DDX6: variants seen among roughly 807,000 people sequenced by gnomAD.
The protein encoded by DDX6 is DEAD-box helicase 6, also known as probable ATP-dependent RNA helicase DDX6.
In DDX6, 7 loss-of-function variants were observed where a neutral mutation model predicts 60.6. The ratio of observed to expected loss-of-function variants is 0.12; its 90% CI spans 0.07 to 0.22. DDX6 has a LOEUF of 0.22. Among genes scored for constraint, DDX6 ranks in the 10% least tolerant of loss-of-function variants. The pLI, the probability that DDX6 is intolerant of heterozygous loss-of-function variation, is 1.00. For missense variants in DDX6, 270 were observed against 589.9 expected (o/e 0.46, Z 5.62); for synonymous variants, 207 against 201.0 (o/e 1.03, Z -0.25).
chr11:118,786,185 C>A lies in DDX6; in HGVS notation c.67G>T (p.Gly23Cys), dbSNP rs1049997780. 7.4e-6 allele frequency: 12 copies of A among 1,613,842 alleles called. No homozygotes were observed. Among genetic ancestry groups the A allele is most frequent in the Non-Finnish European group, 1.0e-5 (12 of 1,179,900 alleles). Reference sequence around the variant, plus strand: ...GGGCCACCAGTGGGTTTCACAGGGCCTCTCAGCTGACCATTTTGACTGGAC... The same window carrying A: ...GGGCCACCAGTGGGTTTCACAGGGCATCTCAGCTGACCATTTTGACTGGAC... ...GLSSQNGQLR[G>C]PVKPTGGPGG... is the part of the protein sequence containing the mutation. Residue 23 changes from glycine (G) to cysteine (C), a missense_variant, in exon 2 of 14, where the codon GGC (glycine) becomes TGC (cysteine). Gly to Cys is a radical substitution (Grantham distance 159, BLOSUM62 -3). This residue lies in a region of DDX6 where 102 missense variants were observed against 110.5 expected (regional missense o/e 0.92). Transcript: ENST00000534980.
intron 4 of DDX6, among the ~76,000 whole-genome samples, chr11:118,776,546 C>T (rs1861704892): frequency 6.6e-6 from 1 of 152,048 alleles, no homozygotes; most frequent in South Asian, 2.1e-4. Context: ...CTCATAAGAC[C>T]TCAGTGGGCC....
chr11:118,757,380 A>G, intron 9 of DDX6, 93 bp from the exon 10 acceptor site: 1 of 596,286 alleles, frequency 1.7e-6, no homozygotes, highest in Non-Finnish European at 2.9e-6. Context: ...AAAAAGAAAC[A>G]TTAACATGGT....
chr11:118,783,636 T>C (rs1861975794), intron 2 of DDX6, among the ~76,000 whole-genome samples: 2 of 151,268 alleles, frequency 1.3e-5, no homozygotes, highest in African/African-American at 2.4e-5. Context: ...ATCTCATCTC[T>C]ACTAAAAATA....
chr11:118,786,327 T>C lies in DDX6; in HGVS notation c.-76A>G. 1 of 1,266,156 alleles carries C rather than the reference T, an allele frequency of 7.9e-7. No homozygotes were observed. Among genetic ancestry groups the C allele is most frequent in the South Asian group, 1.5e-5 (1 of 68,944 alleles). The allele number at this position is 1,266,156 out of a possible 1,614,324, so 78.4% of individuals were successfully genotyped here. A position where few individuals can be genotyped will look rare whatever the true frequency, so the allele number is the denominator to read the frequency against. ...TAGAGAAACTGTAATAACAGTTTAT[T>C]AGGCTCTCCAAAATGAAGAGATAAA... On this transcript the variant is annotated 5_prime_UTR_variant, in exon 2 of 14. Coordinates refer to ENST00000534980, the MANE Select transcript of DDX6 (RefSeq NM_004397.6).
At position 118,749,050 on chromosome 11, in the gene DDX6, T is replaced by C. The variant is rs995325793; in HGVS notation, c.*3055A>G. On this transcript the variant is annotated 3_prime_UTR_variant, in exon 14 of 14. Transcript: ENST00000534980. ...CTGTGAAAGATCATTTTAGAATAAATGTATTCCATTCCTATGGGAGAGGCA... is the reference window on the plus strand; with the variant it reads ...CTGTGAAAGATCATTTTAGAATAAACGTATTCCATTCCTATGGGAGAGGCA... 2 of 152,278 alleles carry C rather than the reference T, an allele frequency of 1.3e-5. No homozygotes were observed. Among genetic ancestry groups the C allele is most frequent in the East Asian group, 1.9e-4 (1 of 5,182 alleles). The allele number at this position is 152,278 out of a possible 1,614,324, so 9.4% of individuals were successfully genotyped here. A position where few individuals can be genotyped will look rare whatever the true frequency, so the allele number is the denominator to read the frequency against.
intron 4 of DDX6, among the ~76,000 whole-genome samples, chr11:118,774,130 G>A (rs1391351622): frequency 2.0e-5 from 3 of 151,978 alleles, no homozygotes; most frequent in Non-Finnish European, 2.9e-5. Flanking sequence ...TTAGAGTTTC[G>A]AAAAAGTCTT....
At chr11:118,788,875 G>A (rs1024170854) in intron 1 of DDX6, 1 of 148,902 alleles carries the variant, frequency 6.7e-6, no homozygotes, top group Non-Finnish European at 1.5e-5. Flanking sequence ...GACACGGGGT[G>A]TTATCAAGTT....
intron 6 of DDX6, among the ~76,000 whole-genome samples, 170 bp downstream of exon 6, chr11:118,765,034 ATATCG>A (rs1333924026): frequency 1.3e-5 from 2 of 152,158 alleles, no homozygotes; most frequent in Non-Finnish European, 2.9e-5. Context: ...ATAAAGTCAA[ATATCG>A]TTTTCAATTA....
rs1380583660 is a variant in DDX6 at position 118,756,602 on chromosome 11, ATC to A, written c.1111-281_1111-280del. Among the ~76,000 whole-genome samples, 43 of 152,378 alleles carry A rather than the reference ATC, an allele frequency of 2.8e-4. 1 individual carries two copies. Among genetic ancestry groups the A allele is most frequent in the African/African-American group, 9.9e-4 (41 of 41,594 alleles). ...TCAAATTCTGAAATTTAGATATTGTATCTTTTTCTAAAGGCAAACAGTAAAGA... is the reference window on the plus strand; with the variant it reads ...TCAAATTCTGAAATTTAGATATTGTATTTTTCTAAAGGCAAACAGTAAAGA... On this transcript the variant is annotated intron_variant, in intron 10 of 13. Coordinates refer to ENST00000534980, the MANE Select transcript of DDX6 (RefSeq NM_004397.6).
chr11:118,783,810 C>CAAA (rs71044495), intron 2 of DDX6, among the ~76,000 whole-genome samples: 2 of 56,910 alleles, frequency 3.5e-5, no homozygotes, highest in Admixed American at 2.7e-4. Flanking sequence ...GAGTCCATCT[C>CAAA]AAAAAAAAAA....
At chr11:118,754,130 T>C (rs545036182) in intron 13 of DDX6, among the ~76,000 whole-genome samples, 2 of 151,942 alleles carry the variant, frequency 1.3e-5, no homozygotes, top group African/African-American at 2.4e-5. Context: ...CCTACAAAAC[T>C]GTCAAAAAAG....
At chr11:118,755,038 C>G (rs782366111) in intron 12 of DDX6, among the ~76,000 whole-genome samples, 151 bp from the exon 13 acceptor site, 1 of 152,148 alleles carries the variant, frequency 6.6e-6, no homozygotes, top group Non-Finnish European at 1.5e-5. Context: ...GGTCTTCAAA[C>G]ACAGGTTTCC....
At chr11:118,776,589 C>T (rs1311443360) in intron 4 of DDX6, among the ~76,000 whole-genome samples, 1 of 152,164 alleles carries the variant, frequency 6.6e-6, no homozygotes, top group Non-Finnish European at 1.5e-5. Flanking sequence ...AATCCCAACA[C>T]TTTGGGAGAC....
chr11:118,754,898 T>A lies in DDX6; in HGVS notation c.1277-11A>T. On this transcript the variant is annotated splice_polypyrimidine_tract_variant and intron_variant, in intron 12 of 13. Transcript: ENST00000534980. ...GATGACCAAAGCGACCTAAAAAACATGCGTTTAAAAATTTTAATGAATAAA... is the reference window on the plus strand; with the variant it reads ...GATGACCAAAGCGACCTAAAAAACAAGCGTTTAAAAATTTTAATGAATAAA... 1 of 1,492,232 alleles carries A rather than the reference T, an allele frequency of 6.7e-7. No individual in the cohort carries two copies. Among genetic ancestry groups the A allele is most frequent in the Non-Finnish European group, 9.2e-7 (1 of 1,092,378 alleles). The allele number at this position is 1,492,232 out of a possible 1,614,324, so 92.4% of individuals were successfully genotyped here.
At chr11:118,787,475 A>G (rs35470823) in intron 1 of DDX6, 1 of 90,448 alleles carries the variant, frequency 1.1e-5, no homozygotes, top group Admixed American at 1.4e-4. Flanking sequence ...TCTCAAAAAC[A>G]AAAACAAACA....
At chr11:118,781,283 G>C (rs782102756) in intron 2 of DDX6, 99 bp from the exon 3 acceptor site, 32 of 712,478 alleles carry the variant, frequency 4.5e-5, no homozygotes, top group Non-Finnish European at 7.2e-5. Context: ...AGCACAGTAA[G>C]TTTAATATAT....
At chr11:118,767,407 A>G (rs1861390247) in intron 5 of DDX6, among the ~76,000 whole-genome samples, 1 of 152,222 alleles carries the variant, frequency 6.6e-6, no homozygotes, top group African/African-American at 2.4e-5. Flanking sequence ...GTAAAGTTTC[A>G]GAGATGAAAT....
In DDX6 at chr11:118,784,800, G is replaced by A. The variant is rs1386526097; in HGVS notation, c.200+1252C>T. On this transcript the variant is annotated intron_variant, in intron 2 of 13. Coordinates refer to ENST00000534980, the MANE Select transcript of DDX6 (RefSeq NM_004397.6). Reference sequence around the variant, plus strand: ...GAGTTTCGCTCTTGTTGCCCAAGCTGGAGTGCAATGGTGCAATCTCGGCTC... The same window carrying A: ...GAGTTTCGCTCTTGTTGCCCAAGCTAGAGTGCAATGGTGCAATCTCGGCTC... Among the ~76,000 whole-genome samples the A allele has an allele frequency of 3.3e-5, 5 of 151,420 alleles. No homozygotes were observed. In the East Asian group the frequency reaches 9.7e-4, roughly 29 times the overall value.
At chr11:118,758,996 T>C (rs1239616610) in intron 8 of DDX6, 94 bp from the exon 9 acceptor site, 4 of 1,501,978 alleles carry the variant, frequency 2.7e-6, no homozygotes, top group African/African-American at 2.8e-5. Context: ...TTCTGTCCGA[T>C]AAACTCTTGC....
Sources: gnomAD v4.1 joint callset for allele counts (sites outside exome capture counted in the v4.1 genomes callset) on GRCh38, gnomAD v4.1.1 for gene constraint, gnomAD v4.1.1 regional missense constraint, MANE v1.5 for transcripts, NCBI Gene and HGNC (gene_info 2026-07-23, HGNC 2026-07-21) for gene names.